ATL1: variants seen among roughly 807,000 people sequenced by gnomAD.
The protein encoded by ATL1 is atlastin GTPase 1, also known as atlastin-1.
A neutral mutation model predicts 75.5 loss-of-function variants in ATL1; 31 were observed. That is an observed-to-expected ratio of 0.41 (90% CI 0.31 to 0.55). ATL1 has a LOEUF of 0.55. Among genes scored for constraint, ATL1 ranks in the 20% least tolerant of loss-of-function variants. The probability of loss-of-function intolerance (pLI) is 0.27; values close to 1 mark genes in which losing one functional copy is unlikely to be tolerated. For synonymous variants in ATL1, 226 were observed against 233.3 expected, an observed-to-expected ratio of 0.97 and a Z score of 0.28; for missense variants, 405 against 662.6, an observed-to-expected ratio of 0.61 and a Z score of 4.27.
chr14:50,611,487 G>A (rs1386771388), intron 6 of ATL1, among the ~76,000 whole-genome samples: 2 of 152,050 alleles, frequency 1.3e-5, no homozygotes, highest in South Asian at 2.1e-4. Flanking sequence ...CATGTAAAAC[G>A]TAGAAGGAAG....
At chr14:50,603,911 TGCTTATCTG>T (rs1460029112) in intron 6 of ATL1, among the ~76,000 whole-genome samples, 2 of 152,150 alleles carry the variant, frequency 1.3e-5, no homozygotes, top group Admixed American at 1.3e-4. Context: ...TTAGAAGAAA[TGCTTATCTG>T]GCTACATAGA....
chr14:50,577,660 A>T (rs193182506), intron 1 of ATL1, among the ~76,000 whole-genome samples: 4 of 152,242 alleles, frequency 2.6e-5, no homozygotes, highest in Non-Finnish European at 5.9e-5. Flanking sequence ...ATCACCCTCC[A>T]TACCCTTCCT....
chr14:50,602,818 T>C (rs2039283246), intron 6 of ATL1, among the ~76,000 whole-genome samples: 2 of 152,130 alleles, frequency 1.3e-5, no homozygotes, highest in Admixed American at 6.6e-5. Context: ...AGCATATCTG[T>C]AGCCTTGATG....
At chr14:50,582,808 T>A (rs1057114027) in intron 1 of ATL1, among the ~76,000 whole-genome samples, 5 of 152,152 alleles carry the variant, frequency 3.3e-5, no homozygotes, top group African/African-American at 1.2e-4. Flanking sequence ...CATAGGCAAC[T>A]CATTTATGAA....
rs1438315844 is a variant in ATL1 at position 50,633,011 on chromosome 14, T to C, written c.*672T>C. The C allele has an allele frequency of 2.0e-5, 3 of 152,164 alleles. No homozygotes were observed. The highest frequency in any genetic ancestry group is 4.4e-5 in the Non-Finnish European group (3 of 67,990). 9.4% of individuals were successfully genotyped at this position (152,164 alleles called of 1,614,324 possible). Reference sequence around the variant, plus strand: ...GTTTATTCTTTTAATATGTGAACTATTATTAAAGTTTACTCTGGTTCCTAA... The same window carrying C: ...GTTTATTCTTTTAATATGTGAACTACTATTAAAGTTTACTCTGGTTCCTAA... On this transcript the variant is annotated 3_prime_UTR_variant, in exon 14 of 14. Transcript: ENST00000358385.
chr14:50,591,430 T>C (rs1192081033), intron 3 of ATL1, 105 bp from the exon 4 acceptor site: 2 of 755,634 alleles, frequency 2.6e-6, no homozygotes, highest in Non-Finnish European at 4.5e-6. Context: ...TCTAAAATAG[T>C]ATTGATTAAT....
rs76375909 is a variant in ATL1, at chr14:50,591,066, T to C, written c.408T>C (p.Asp136=). Residue 136 remains aspartate, a synonymous_variant, in exon 3 of 14, where the codon GAT becomes GAC. Coordinates refer to ENST00000358385, the MANE Select transcript of ATL1 (RefSeq NM_015915.5). ...AAATCTTCCTTATCAATAAACCTGA[T>C]GGTAAAAAGGTATGATGCTAACTTC... ...WSEIFLINKP[D]GKKVAVLLMD... The C allele has an allele frequency of 4.3e-4, 688 of 1,613,430 alleles. 3 individuals are homozygous for C. In the East Asian group the frequency reaches 0.014, roughly 33 times the overall value.
At chr14:50,593,813 A>C in intron 4 of ATL1, 33 bp from the exon 5 acceptor site, 1 of 1,423,152 alleles carries the variant, frequency 7.0e-7, no homozygotes, top group Non-Finnish European at 9.9e-7. Context: ...GATGCCAGTT[A>C]TCTTATCATT....
chr14:50,613,116 C>A (rs2039381509), intron 6 of ATL1, 143 bp from the exon 7 acceptor site: 3 of 698,580 alleles, frequency 4.3e-6, no homozygotes, highest in Non-Finnish European at 7.6e-6. Flanking sequence ...CAGACACTTT[C>A]AAAGGTTTTA....
chr14:50,592,541 AT>A (rs1470930833), intron 4 of ATL1, among the ~76,000 whole-genome samples: 33 of 110,536 alleles, frequency 3.0e-4, no homozygotes, highest in African/African-American at 8.6e-4. Flanking sequence ...AGTAAAAGTC[AT>A]AAAAAAAAAA....
chr14:50,630,073 A>G, intron 13 of ATL1, 64 bp downstream of exon 13: 8 of 1,256,732 alleles, frequency 6.4e-6, no homozygotes, highest in Non-Finnish European at 6.8e-6. Flanking sequence ...TATTTTATAA[A>G]CTGACTAAGC....
At chr14:50,536,101 A>G (rs1406043163) in intron 1 of ATL1, among the ~76,000 whole-genome samples, 2 of 152,186 alleles carry the variant, frequency 1.3e-5, no homozygotes, top group East Asian at 1.9e-4. Context: ...TCTTTTGTAG[A>G]TTGCCCGGTC....
At chr14:50,600,396 A>T (rs959260367) in intron 6 of ATL1, among the ~76,000 whole-genome samples, 1 of 152,228 alleles carries the variant, frequency 6.6e-6, no homozygotes, top group South Asian at 2.1e-4. Flanking sequence ...ACTCCTAAAC[A>T]TGTTTGGACT....
chr14:50,632,208 A>C, intron 13 of ATL1, 21 bp from the exon 14 acceptor site: 1 of 1,564,606 alleles, frequency 6.4e-7, no homozygotes, highest in Non-Finnish European at 8.7e-7. Context: ...ATGTTTTATA[A>C]TTTTGATGCT....
At chr14:50,598,143 T>C (rs1458908086) in intron 6 of ATL1, among the ~76,000 whole-genome samples, 1 of 152,148 alleles carries the variant, frequency 6.6e-6, no homozygotes, top group Non-Finnish European at 1.5e-5. Context: ...CAAAGGTCTA[T>C]TAAAGACCAT....
At chr14:50,584,447 T>TA (rs2039083272) in intron 1 of ATL1, among the ~76,000 whole-genome samples, 1 of 152,114 alleles carries the variant, frequency 6.6e-6, no homozygotes, top group Admixed American at 6.5e-5. Flanking sequence ...CTCACGCCTG[T>TA]AATCCCAGCA....
In ATL1 at chr14:50,623,200, A is replaced by G. The variant is rs944940233; in HGVS notation, c.1071A>G (p.Leu357=). 6.2e-7 allele frequency: 1 copy of G among 1,614,012 alleles called. No homozygotes were observed. The highest frequency in any genetic ancestry group is 1.3e-5 in the African/African-American group (1 of 75,060). The change falls in exon 11 of 14, where the codon TTA becomes TTG. Residue 357 remains leucine, a synonymous_variant. Transcript: ENST00000358385. ...AGGCCACAGCAGAAGCTAACAATTT[A>G]GCAGCCGTGGCAACTGCCAAGGACA... The part of the protein sequence containing the change: ...MLQATAEANN[L]AAVATAKDTY...
intron 1 of ATL1, among the ~76,000 whole-genome samples, chr14:50,538,056 C>T (rs540215414): frequency 6.6e-6 from 1 of 152,290 alleles, no homozygotes; most frequent in East Asian, 1.9e-4. Context: ...GCTGTGTGCC[C>T]ACCCACATCT....
intron 1 of ATL1, among the ~76,000 whole-genome samples, chr14:50,574,648 GTTC>G (rs1566718723): frequency 6.6e-6 from 1 of 151,846 alleles, no homozygotes; most frequent in East Asian, 1.9e-4. Flanking sequence ...CCTTCCATCT[GTTC>G]TTCTTAAAAC....
Sources: allele counts gnomAD v4.1 joint callset (sites outside exome capture counted in the v4.1 genomes callset), GRCh38; gene constraint gnomAD v4.1.1; transcripts MANE v1.5; gene names NCBI Gene and HGNC (gene_info 2026-07-23, HGNC 2026-07-21).